The following CTNND2 variants were observed in gnomAD, a reference collection of about 807,000 sequenced individuals.
The protein encoded by CTNND2 is catenin delta-2.
A neutral mutation model predicts 144.4 loss-of-function variants in CTNND2; 22 were observed. The ratio of observed to expected loss-of-function variants is 0.15; its 90% confidence interval spans 0.11 to 0.22. The LOEUF is 0.22. Ranked by LOEUF, CTNND2 falls within the 10% of genes least tolerant of loss-of-function variation. The pLI, the probability that CTNND2 is intolerant of heterozygous loss-of-function variation, is 1.00. For missense variants in CTNND2, 1,353 were observed against 1,618.8 expected (o/e 0.84, Z 2.82); for synonymous variants, 751 against 695.6 (o/e 1.08, Z -1.25).
chr5:11,376,049 C>T (rs1452311890), intron 7 of CTNND2, among the ~76,000 whole-genome samples: 1 of 151,924 alleles, frequency 6.6e-6, no homozygotes, highest in Non-Finnish European at 1.5e-5. Context: ...CCCGAGAGAG[C>T]AAGGTGAGGA....
chr5:11,638,720 C>G (rs1293437201), intron 2 of CTNND2, among the ~76,000 whole-genome samples: 3 of 152,008 alleles, frequency 2.0e-5, no homozygotes, highest in African/African-American at 7.2e-5. Context: ...ACTACAGGTG[C>G]CTGCCACCAC....
chr5:11,308,561 C>G (rs758888779), intron 9 of CTNND2, among the ~76,000 whole-genome samples: 1 of 152,234 alleles, frequency 6.6e-6, no homozygotes, highest in African/African-American at 2.4e-5. Context: ...CCCTAACGTT[C>G]CACTAATCAC....
chr5:11,722,740 G>A (rs1786759003), intron 2 of CTNND2, among the ~76,000 whole-genome samples: 2 of 152,094 alleles, frequency 1.3e-5, no homozygotes, highest in South Asian at 4.1e-4. Flanking sequence ...AACAGCAGGA[G>A]GGTAATTGCC....
intron 12 of CTNND2, among the ~76,000 whole-genome samples, chr5:11,142,097 C>T (rs1336227110): frequency 1.3e-5 from 2 of 152,142 alleles, no homozygotes; most frequent in African/African-American, 4.8e-5. Flanking sequence ...TTCCCAGCCT[C>T]CAGATACGTA....
intron 1 of CTNND2, among the ~76,000 whole-genome samples, chr5:11,788,299 G>T (rs577951082): frequency 0.011 from 65 of 6,130 alleles, no homozygotes; most frequent in African/African-American, 0.011. Context: ...ACAAGACAGT[G>T]TGCTAAGGAC....
At chr5:11,832,297 GA>G (rs567549149) in intron 1 of CTNND2, among the ~76,000 whole-genome samples, 11 of 137,974 alleles carry the variant, frequency 8.0e-5, no homozygotes, top group African/African-American at 1.1e-4. Flanking sequence ...AAATAAGAAA[GA>G]AAAAAAAAAC....
chr5:11,054,225 C>A (rs1458412254), intron 16 of CTNND2, among the ~76,000 whole-genome samples: 1 of 152,162 alleles, frequency 6.6e-6, no homozygotes, highest in Non-Finnish European at 1.5e-5. Flanking sequence ...TAACTCAGGG[C>A]CTGCCAAGTT....
intron 1 of CTNND2, among the ~76,000 whole-genome samples, chr5:11,772,117 A>T (rs1443849423): frequency 1.3e-5 from 2 of 152,224 alleles, no homozygotes; most frequent in Non-Finnish European, 2.9e-5. Context: ...TTTCTAATAG[A>T]CTATTCCTTA....
intron 9 of CTNND2, among the ~76,000 whole-genome samples, chr5:11,279,891 T>C (rs768925355): frequency 5.3e-5 from 8 of 152,162 alleles, no homozygotes; most frequent in Non-Finnish European, 1.2e-4. Flanking sequence ...CACTCACTAT[T>C]GCGAGCCCAG....
chr5:11,661,459 C>G (rs958574267), intron 2 of CTNND2, among the ~76,000 whole-genome samples: 3 of 152,144 alleles, frequency 2.0e-5, no homozygotes, highest in African/African-American at 7.2e-5. Context: ...TCTACTTAAC[C>G]TTCTGAACTT....
intron 2 of CTNND2, among the ~76,000 whole-genome samples, chr5:11,609,193 T>C (rs546704093): frequency 6.6e-6 from 1 of 152,324 alleles, no homozygotes; most frequent in South Asian, 2.1e-4. Flanking sequence ...ACTGTACATA[T>C]TACTTGCATA....
At chr5:11,071,466 G>A (rs1014066191) in intron 16 of CTNND2, among the ~76,000 whole-genome samples, 2 of 152,102 alleles carry the variant, frequency 1.3e-5, no homozygotes, top group Non-Finnish European at 2.9e-5. Flanking sequence ...TTTGAACCTC[G>A]GAGGCTGAGG....
chr5:11,722,873 C>G (rs1224386918), intron 2 of CTNND2, among the ~76,000 whole-genome samples: 1 of 152,090 alleles, frequency 6.6e-6, no homozygotes, highest in Admixed American at 6.5e-5. Flanking sequence ...TATGACATGC[C>G]ACCATTAAAC....
chr5:11,055,030 T>C (rs1746209343), intron 16 of CTNND2, among the ~76,000 whole-genome samples: 1 of 152,202 alleles, frequency 6.6e-6, no homozygotes, highest in Admixed American at 6.5e-5. Flanking sequence ...GGGTCCCATT[T>C]TCCACCTGGC....
intron 9 of CTNND2, among the ~76,000 whole-genome samples, chr5:11,325,697 C>A (rs79021896): frequency 0.046 from 6,964 of 152,122 alleles, 549 homozygotes; most frequent in African/African-American, 0.16. Flanking sequence ...CCTCATTATA[C>A]CCCCTCCCTA....
chr5:11,469,837 T>C (rs1402337980), intron 3 of CTNND2, among the ~76,000 whole-genome samples: 1 of 152,130 alleles, frequency 6.6e-6, no homozygotes, highest in Non-Finnish European at 1.5e-5. Flanking sequence ...CCCAATTTAA[T>C]CAGGGATTAA....
intron 13 of CTNND2, among the ~76,000 whole-genome samples, chr5:11,114,394 A>G (rs1753338353): frequency 6.6e-6 from 1 of 151,966 alleles, no homozygotes; most frequent in African/African-American, 2.4e-5. Flanking sequence ...GGGAGGGAGG[A>G]ATGGGGGAAA....
chr5:11,635,825 G>A (rs753100968), intron 2 of CTNND2, among the ~76,000 whole-genome samples: 5 of 151,866 alleles, frequency 3.3e-5, no homozygotes, highest in African/African-American at 7.3e-5. Context: ...AAACCTTTAC[G>A]GGTTCTACTA....
rs370549110 is a variant in CTNND2, at chr5:10,973,640, G to C, written c.3491C>G (p.Thr1164Arg). The C allele has an allele frequency of 3.7e-6, 6 of 1,614,144 alleles. No homozygotes were observed. The South Asian group carries it at 6.6e-5, about 18-fold the overall frequency. Residue 1164 changes from threonine to arginine, a missense_variant, in exon 22 of 22, where the codon ACA (threonine) becomes AGA (arginine). By Grantham distance (71) the Thr-to-Arg change is moderately conservative. This residue lies in a region of CTNND2 where 459 missense variants were observed against 674.3 expected (regional missense o/e 0.68). Transcript: ENST00000304623. The surrounding 1 kb of genome is among the most constrained non-coding windows in gnomAD (Gnocchi z 5.6). The part of the protein sequence containing the change: ...YETYQPFQNS[T>R]RNYDESFFED... ...GAAGAAGGACTCATCGTAATTTCTT[G>C]TGGAATTCTGAAATGGCTGGTAGGT... is the stretch of plus-strand genomic sequence containing the variant.
Sources: gnomAD v4.1 joint callset for allele counts (sites outside exome capture counted in the v4.1 genomes callset) on GRCh38, gnomAD v4.1.1 for gene constraint, gnomAD v4.1.1 regional missense constraint, Gnocchi (gnomAD v3.1) non-coding constraint, MANE v1.5 for transcripts, NCBI Gene and HGNC (gene_info 2026-07-23, HGNC 2026-07-21) for gene names.